The following RALY variants were observed in gnomAD, a reference collection of about 807,000 sequenced individuals.
The protein encoded by RALY is RALY heterogeneous nuclear ribonucleoprotein.
Under a neutral mutation model 30.7 loss-of-function variants are expected in RALY, and 15 were observed. The observed-to-expected ratio is 0.49, with a 90% CI of 0.33 to 0.75. The LOEUF is 0.75. RALY is among the 30% of genes least tolerant of loss of function. RALY has a pLI of 0.02. For missense variants in RALY, 339 were observed against 414.3 expected, an observed-to-expected ratio of 0.82 and a Z score of 1.58; for synonymous variants, 177 against 170.8, an observed-to-expected ratio of 1.04 and a Z score of -0.28.
chr20:34,023,010 T>C (rs2031886118), intron 1 of RALY, among the ~76,000 whole-genome samples: 1 of 152,182 alleles, frequency 6.6e-6, no homozygotes, highest in Admixed American at 6.5e-5. Context: ...TTCCAGGAAC[T>C]GGCAGTCAGT....
At chr20:34,031,855 T>C (rs1374687524) in intron 2 of RALY, among the ~76,000 whole-genome samples, 1 of 152,216 alleles carries the variant, frequency 6.6e-6, no homozygotes, top group Non-Finnish European at 1.5e-5. Context: ...GCTTCCTTCT[T>C]GCTTCTGCTA....
chr20:34,026,923 C>T (rs910673805), intron 1 of RALY, among the ~76,000 whole-genome samples: 6 of 152,200 alleles, frequency 3.9e-5, no homozygotes, highest in East Asian at 1.9e-4. Context: ...TAAGAGTTGC[C>T]GGGCAGGTTT....
intron 2 of RALY, among the ~76,000 whole-genome samples, chr20:34,061,663 G>T (rs2033421159): frequency 6.6e-6 from 1 of 152,158 alleles, no homozygotes; most frequent in Admixed American, 6.5e-5. Context: ...GGGATTATTT[G>T]ATGGTAAATA....
chr20:34,000,702 A>G (rs1477142125), intron 1 of RALY, among the ~76,000 whole-genome samples: 4 of 152,176 alleles, frequency 2.6e-5, no homozygotes, highest in Non-Finnish European at 5.9e-5. Flanking sequence ...TTGTGGCTGA[A>G]TACTTGGGTT....
chr20:34,066,184 T>C (rs2123233001), intron 2 of RALY, among the ~76,000 whole-genome samples: 1 of 151,678 alleles, frequency 6.6e-6, no homozygotes, highest in East Asian at 1.9e-4. Context: ...TTTTTTTTTT[T>C]TTTTCATTTA....
intron 1 of RALY, among the ~76,000 whole-genome samples, chr20:34,030,297 C>A (rs1214489282): frequency 6.6e-6 from 1 of 152,200 alleles, no homozygotes; most frequent in Non-Finnish European, 1.5e-5. Context: ...CTCAATTTCT[C>A]CATTAGTAAA....
rs369442898 is a variant in RALY, at chr20:34,076,001, C to T, written c.505C>T (p.Arg169Cys). ...TAACGTACCTGTCAAGCTCTTTGCCCGCTCCACAGCTGTCACCACCAGCTC... is the reference window on the plus strand; with the variant it reads ...TAACGTACCTGTCAAGCTCTTTGCCTGCTCCACAGCTGTCACCACCAGCTC... ...KTNVPVKLFA[R>C]STAVTTSSAK... The change falls in exon 6 of 10, where the codon CGC (arginine) becomes TGC (cysteine). Residue 169 changes from arginine to cysteine, a missense_variant. By Grantham distance (180) the Arg-to-Cys change is radical. Around this residue, in one of 2 missense-constraint regions of RALY, gnomAD observed 268 missense variants for 280.6 expected, o/e 0.95. Coordinates refer to ENST00000246194, the MANE Select transcript of RALY (RefSeq NM_016732.3). 1.1e-5 allele frequency: 17 copies of T among 1,614,198 alleles called. No individual in the cohort carries two copies. The highest frequency in any genetic ancestry group is 5.0e-5 in the Admixed American group (3 of 60,030).
At position 34,072,176 on chromosome 20, in the gene RALY, G is replaced by A; in HGVS notation, c.102G>A (p.Lys34=). Residue 34 remains lysine (K), a synonymous_variant, in exon 3 of 10, where the codon AAG becomes AAA. Coordinates refer to ENST00000246194, the MANE Select transcript of RALY (RefSeq NM_016732.3). The part of the protein sequence containing the change: ...FIGNLNTALV[K]KSDVETIFSK... Reference sequence around the variant, plus strand: ...GAAACCTCAACACAGCTCTGGTGAAGAAATCAGATGTGGAGACCATCTTCT... The same window carrying A: ...GAAACCTCAACACAGCTCTGGTGAAAAAATCAGATGTGGAGACCATCTTCT... 1 of 1,614,248 alleles carries A rather than the reference G, an allele frequency of 6.2e-7. No individual in the cohort carries two copies. The highest frequency in any genetic ancestry group is 8.5e-7 in the Non-Finnish European group (1 of 1,180,046).
At chr20:34,067,775 GC>G (rs1438317220) in intron 2 of RALY, among the ~76,000 whole-genome samples, 2 of 151,396 alleles carry the variant, frequency 1.3e-5, no homozygotes, top group Non-Finnish European at 2.9e-5. Context: ...TTATTGGGGA[GC>G]CAGTCCCCAG....
Position 34,073,575 on chromosome 20 carries a change from C to A in RALY, c.269C>A (p.Ala90Asp). 1 of 1,598,806 alleles carries A rather than the reference C, an allele frequency of 6.3e-7. No homozygotes were observed. The highest frequency in any genetic ancestry group is 8.6e-7 in the Non-Finnish European group (1 of 1,165,996). ...LAGQTLDINM[A>D]GEPKPDRPKG... ...TCCCTCCACACAGACATCAACATGG[C>A]TGGAGAGCCTAAGCCTGACAGACCC... Residue 90 changes from alanine to aspartate, a missense_variant, in exon 4 of 10, where the codon GCT becomes GAT. Transcript: ENST00000246194.
At chr20:34,060,823 T>A (rs1220771114) in intron 2 of RALY, among the ~76,000 whole-genome samples, 1 of 152,196 alleles carries the variant, frequency 6.6e-6, no homozygotes, top group Non-Finnish European at 1.5e-5. Context: ...AAACACTACA[T>A]AAGCTCAAAG....
intron 1 of RALY, among the ~76,000 whole-genome samples, chr20:34,008,207 G>A (rs1051589048): frequency 1.9e-4 from 29 of 152,110 alleles, no homozygotes; most frequent in Non-Finnish European, 2.9e-5. Context: ...TTTGGATTGA[G>A]TTACTATTTC....
intron 2 of RALY, among the ~76,000 whole-genome samples, chr20:34,064,695 A>T (rs746795645): frequency 1.3e-5 from 2 of 152,210 alleles, no homozygotes; most frequent in Non-Finnish European, 2.9e-5. Flanking sequence ...AGAACATACC[A>T]TCTTAGGGCT....
chr20:34,013,912 A>G (rs985152502), intron 1 of RALY, among the ~76,000 whole-genome samples: 3 of 152,232 alleles, frequency 2.0e-5, no homozygotes, highest in Non-Finnish European at 4.4e-5. Context: ...CTACAGATGA[A>G]ATATGACAGT....
chr20:34,013,985 C>T (rs946419291), intron 1 of RALY, among the ~76,000 whole-genome samples: 31 of 152,076 alleles, frequency 2.0e-4, no homozygotes, highest in African/African-American at 7.5e-4. Flanking sequence ...ACTTGAGGGT[C>T]TCTGTTTTGC....
chr20:34,057,046 CAG>C (rs2033266439), intron 2 of RALY, among the ~76,000 whole-genome samples: 1 of 152,142 alleles, frequency 6.6e-6, no homozygotes, highest in Non-Finnish European at 1.5e-5. Context: ...TAAATCTACT[CAG>C]GGAAAACCAC....
intron 1 of RALY, among the ~76,000 whole-genome samples, chr20:34,012,296 C>T (rs1053985504): frequency 2.0e-5 from 3 of 152,186 alleles, no homozygotes; most frequent in South Asian, 2.1e-4. Context: ...TGTGCTGAGC[C>T]TCTTCTTGGT....
intron 2 of RALY, among the ~76,000 whole-genome samples, chr20:34,055,208 C>T (rs2033204156): frequency 6.6e-6 from 1 of 152,132 alleles, no homozygotes; most frequent in Non-Finnish European, 1.5e-5. Flanking sequence ...CCATTGTGAC[C>T]TTGATATAAT....
chr20:34,059,426 C>T (rs150594818), intron 2 of RALY, among the ~76,000 whole-genome samples: 1 of 152,290 alleles, frequency 6.6e-6, no homozygotes, highest in Non-Finnish European at 1.5e-5. Flanking sequence ...AGCTGTCCAT[C>T]CTGGGAGTAT....
Sources: gnomAD v4.1 joint callset for allele counts (sites outside exome capture counted in the v4.1 genomes callset) on GRCh38, gnomAD v4.1.1 for gene constraint, gnomAD v4.1.1 regional missense constraint, MANE v1.5 for transcripts, NCBI Gene and HGNC (gene_info 2026-07-23, HGNC 2026-07-21) for gene names.